KIAA1671: variants seen among roughly 807,000 people sequenced by gnomAD.
The protein encoded by KIAA1671 is KIAA1671.
A neutral mutation model predicts 131.2 loss-of-function variants in KIAA1671; 52 were observed. The observed-to-expected ratio is 0.40, with a 90% CI of 0.32 to 0.50. The LOEUF (loss-of-function observed/expected upper bound fraction) is 0.50. Among genes scored for constraint, KIAA1671 ranks in the 20% least tolerant of loss-of-function variants. KIAA1671 has a pLI of 0.73. For missense variants in KIAA1671, 2,360 were observed against 2,364.2 expected, an observed-to-expected ratio of 1.00 and a Z score of 0.04; for synonymous variants, 1,003 against 961.6, an observed-to-expected ratio of 1.04 and a Z score of -0.80.
chr22:25,045,452 C>T (rs1225072371), intron 5 of KIAA1671, among the ~76,000 whole-genome samples: 7 of 152,128 alleles, frequency 4.6e-5, no homozygotes, highest in African/African-American at 7.2e-5. Context: ...ATGCTCCAGC[C>T]CCAAGTGTTT....
chr22:25,179,302 C>T (rs1301480599), intron 9 of KIAA1671: 2 of 1,576,272 alleles, frequency 1.3e-6, no homozygotes, highest in Admixed American at 1.8e-5. Flanking sequence ...CCGCCCGTCC[C>T]GGGCCCTTAG....
At chr22:24,993,367 C>T (rs1362950039) in intron 1 of KIAA1671, among the ~76,000 whole-genome samples, 2 of 152,104 alleles carry the variant, frequency 1.3e-5, no homozygotes, top group African/African-American at 4.8e-5. Context: ...GCCCATGATA[C>T]TTCCCTTCAC....
At chr22:25,024,996 G>A (rs1925856899) in intron 1 of KIAA1671, among the ~76,000 whole-genome samples, 1 of 146,200 alleles carries the variant, frequency 6.8e-6, no homozygotes. Context: ...GAGCAAGATG[G>A]TTGTCCCAGA....
At chr22:24,978,676 CTTTTG>C (rs377292242) in intron 1 of KIAA1671, among the ~76,000 whole-genome samples, 2,648 of 151,990 alleles carry the variant, frequency 0.017, 92 homozygotes, top group African/African-American at 0.059. Flanking sequence ...CCATCTTAAT[CTTTTG>C]TTTTGTTTTG....
chr22:25,176,693 A>G (rs1181049306), intron 8 of KIAA1671: 1 of 152,152 alleles, frequency 6.6e-6, no homozygotes, highest in Non-Finnish European at 1.5e-5. Context: ...GGCACTTCCC[A>G]TCTCCTTACT....
intron 6 of KIAA1671, among the ~76,000 whole-genome samples, chr22:25,132,739 A>G (rs1028521397): frequency 1.3e-5 from 2 of 152,184 alleles, no homozygotes; most frequent in Admixed American, 1.3e-4. Flanking sequence ...GACATTTCCC[A>G]GAGTTCTTCA....
intron 6 of KIAA1671, among the ~76,000 whole-genome samples, chr22:25,156,703 G>A (rs1011119324): frequency 2.0e-5 from 3 of 152,126 alleles, no homozygotes; most frequent in Non-Finnish European, 4.4e-5. Context: ...GTATATACAT[G>A]TATGTGTGGA....
At chr22:25,178,231 C>G (rs1170112865) in intron 9 of KIAA1671, among the ~76,000 whole-genome samples, 2 of 152,186 alleles carry the variant, frequency 1.3e-5, no homozygotes, top group Non-Finnish European at 2.9e-5. Flanking sequence ...AGAAGGAACT[C>G]AGCCCAGAGG....
chr22:25,159,484 G>A (rs146586789), intron 6 of KIAA1671, among the ~76,000 whole-genome samples: 1 of 152,288 alleles, frequency 6.6e-6, no homozygotes, highest in Non-Finnish European at 1.5e-5. Context: ...CTGAAAGACA[G>A]AACTGTCAGG....
In KIAA1671 at chr22:25,197,244, A is replaced by G. The variant is rs902715106; in HGVS notation, c.*4843A>G. 2.6e-5 allele frequency: 4 copies of G among 152,212 alleles called. No individual in the cohort carries two copies. The highest frequency in any genetic ancestry group is 9.6e-5 in the African/African-American group (4 of 41,466). The allele number at this position is 152,212 out of a possible 1,614,324, so 9.4% of individuals were successfully genotyped here. Reference sequence around the variant, plus strand: ...ACTTATATTTTTAATGTAAAAACAAATGGGGCTTACCAGACCTCACAGAGT... The same window carrying G: ...ACTTATATTTTTAATGTAAAAACAAGTGGGGCTTACCAGACCTCACAGAGT... On this transcript the variant is annotated 3_prime_UTR_variant, in exon 13 of 13. Transcript: ENST00000358431.
chr22:25,165,377 A>G (rs933226319), intron 6 of KIAA1671, among the ~76,000 whole-genome samples: 2 of 152,170 alleles, frequency 1.3e-5, no homozygotes, highest in Non-Finnish European at 2.9e-5. Context: ...ATTCAAGTCC[A>G]GGTGTTCTGG....
At chr22:24,981,205 G>T (rs1375413953) in intron 1 of KIAA1671, among the ~76,000 whole-genome samples, 3 of 152,054 alleles carry the variant, frequency 2.0e-5, no homozygotes, top group Non-Finnish European at 1.5e-5. Context: ...GCCGGGCAGG[G>T]GCTGGTTCCT....
Position 25,041,453 on chromosome 22 carries a change from C to A in KIAA1671, c.4323C>A (p.Ser1441Arg), listed in dbSNP as rs1490138016. Residue 1441 changes from serine (S) to arginine (R), a missense_variant, in exon 5 of 13, where the codon AGC (serine) becomes AGA (arginine). By Grantham distance (110) the Ser-to-Arg change is moderately radical (BLOSUM62 -1). Coordinates refer to ENST00000358431, the MANE Select transcript of KIAA1671 (RefSeq NM_001145206.2). ...GAGAGCAGCCCAAAGGGAGGCCCAGCCTTACTGGAGAGAATTTGGAGGCCA... is the reference window on the plus strand; with the variant it reads ...GAGAGCAGCCCAAAGGGAGGCCCAGACTTACTGGAGAGAATTTGGAGGCCA... ...RRREQPKGRP[S>R]LTGENLEAKM... is the part of the protein sequence containing the mutation. 3.9e-6 allele frequency: 6 copies of A among 1,551,556 alleles called. No homozygotes were observed. Among genetic ancestry groups the A allele is most frequent in the Non-Finnish European group, 5.2e-6 (6 of 1,146,992 alleles).
chr22:24,979,334 TTTTA>T (rs1267817088), intron 1 of KIAA1671, among the ~76,000 whole-genome samples: 27 of 142,654 alleles, frequency 1.9e-4, no homozygotes, highest in African/African-American at 2.9e-4. Context: ...TAATAATTTA[TTTTA>T]TTTATTTATT....
chr22:25,090,017 TA>T (rs1271427649), intron 6 of KIAA1671, among the ~76,000 whole-genome samples: 1 of 152,192 alleles, frequency 6.6e-6, no homozygotes, highest in Non-Finnish European at 1.5e-5. Context: ...CTGTCAGACA[TA>T]AACCAGGTCT....
chr22:25,149,486 C>G (rs1422431493), intron 6 of KIAA1671, among the ~76,000 whole-genome samples: 7 of 152,106 alleles, frequency 4.6e-5, no homozygotes, highest in African/African-American at 1.7e-4. Flanking sequence ...ATCCTTTTCC[C>G]TCCCCTTCCC....
chr22:25,061,280 G>A (rs1228542964), intron 6 of KIAA1671: 1 of 152,172 alleles, frequency 6.6e-6, no homozygotes, highest in Non-Finnish European at 1.5e-5. Context: ...GAGGTCTCTT[G>A]AGAATAGGGA....
chr22:25,113,464 G>A (rs924850676), intron 6 of KIAA1671, among the ~76,000 whole-genome samples: 1 of 152,204 alleles, frequency 6.6e-6, no homozygotes, highest in Non-Finnish European at 1.5e-5. Flanking sequence ...CTTTTTCTGG[G>A]TTCCTCCTAG....
At chr22:25,036,878 C>G (rs999360632) in intron 4 of KIAA1671, among the ~76,000 whole-genome samples, 2 of 152,044 alleles carry the variant, frequency 1.3e-5, no homozygotes, top group South Asian at 2.1e-4. Context: ...GAGCCGAGAT[C>G]GCGCCATTGT....
Sources: gnomAD v4.1 joint callset for allele counts (sites outside exome capture counted in the v4.1 genomes callset) on GRCh38, gnomAD v4.1.1 for gene constraint, MANE v1.5 for transcripts, NCBI Gene and HGNC (gene_info 2026-07-23, HGNC 2026-07-21) for gene names.